The following BTBD9 variants were observed in gnomAD, a reference collection of about 807,000 sequenced individuals.
The protein encoded by BTBD9 is BTB domain containing 9.
A neutral mutation model predicts 64.3 loss-of-function variants in BTBD9; 49 were observed. The observed-to-expected ratio is 0.76, with a 90% confidence interval of 0.61 to 0.97. BTBD9 has a LOEUF of 0.97. Ranked by LOEUF, BTBD9 falls within the 50% of genes least tolerant of loss-of-function variation. BTBD9 has a pLI of 0.00. For missense variants in BTBD9, 598 were observed against 762.1 expected, an observed-to-expected ratio of 0.78 and a Z score of 2.53; for synonymous variants, 260 against 274.7, an observed-to-expected ratio of 0.95 and a Z score of 0.53.
intron 8 of BTBD9, among the ~76,000 whole-genome samples, chr6:38,269,054 A>G (rs1309975482): frequency 6.6e-6 from 1 of 152,232 alleles, no homozygotes; most frequent in Non-Finnish European, 1.5e-5. Flanking sequence ...ACACAAAACA[A>G]AACTATAATA....
chr6:38,181,103 A>G (rs1039236496), intron 10 of BTBD9, among the ~76,000 whole-genome samples: 2 of 152,258 alleles, frequency 1.3e-5, no homozygotes, highest in African/African-American at 4.8e-5. Context: ...GGATTCCCTA[A>G]GCACTATTTG....
chr6:38,539,611 A>T (rs1007057938), intron 6 of BTBD9, among the ~76,000 whole-genome samples: 1 of 152,228 alleles, frequency 6.6e-6, no homozygotes, highest in African/African-American at 2.4e-5. Context: ...ATGGTCTATT[A>T]ATTTTTAAAA....
chr6:38,323,993 C>G (rs1235112665), intron 7 of BTBD9, among the ~76,000 whole-genome samples: 1 of 152,090 alleles, frequency 6.6e-6, no homozygotes, highest in East Asian at 1.9e-4. Flanking sequence ...GTCCCAGCTA[C>G]TCAGAAGGCT....
At chr6:38,563,776 C>CTTTTTTTTTT (rs57927975) in intron 6 of BTBD9, among the ~76,000 whole-genome samples, 1 of 113,582 alleles carries the variant, frequency 8.8e-6, no homozygotes, top group African/African-American at 3.6e-5. Flanking sequence ...GCCTATCTAA[C>CTTTTTTTTTT]TTTTTTTTTT....
rs1766721201 is a variant in BTBD9 at position 38,170,756 on chromosome 6, C to G, written c.*4229G>C. 2.0e-5 allele frequency: 3 copies of G among 152,206 alleles called. No individual in the cohort carries two copies. Among genetic ancestry groups the G allele is most frequent in the African/African-American group, 7.2e-5 (3 of 41,462 alleles). 9.4% of individuals were successfully genotyped at this position (152,206 alleles called of 1,614,324 possible). A position where few individuals can be genotyped will look rare whatever the true frequency, so the allele number is the denominator to read the frequency against. On this transcript the variant is annotated 3_prime_UTR_variant, in exon 11 of 11. Transcript: ENST00000481247. ...GAACCATGAACTGCACTTTAAATTCCTAACTGAACTCCTGCCGGGGCTGTT... is the reference window on the plus strand; with the variant it reads ...GAACCATGAACTGCACTTTAAATTCGTAACTGAACTCCTGCCGGGGCTGTT...
intron 6 of BTBD9, among the ~76,000 whole-genome samples, chr6:38,484,872 T>C (rs1442883393): frequency 6.6e-6 from 1 of 152,218 alleles, no homozygotes; most frequent in Admixed American, 6.5e-5. Flanking sequence ...AGGGTGGTGG[T>C]TGCTGAAGGC....
chr6:38,547,009 A>G (rs754108905), intron 6 of BTBD9, among the ~76,000 whole-genome samples: 2 of 152,090 alleles, frequency 1.3e-5, no homozygotes, highest in Non-Finnish European at 2.9e-5. Flanking sequence ...TACCATTGTA[A>G]TTGTATCTGG....
Position 38,470,844 on chromosome 6 carries a change from CAGTG to C in BTBD9, c.1154+106752_1154+106755del, listed in dbSNP as rs1363131658. On this transcript the variant is annotated intron_variant, in intron 6 of 10. Coordinates refer to ENST00000481247, the MANE Select transcript of BTBD9 (RefSeq NM_001099272.2). ...CAGTCCAACAGGCCAAGCAAAATGCCAGTGAGTATCAACTGGAAAGTGCCACCTC... is the reference window on the plus strand; with the variant it reads ...CAGTCCAACAGGCCAAGCAAAATGCCAGTATCAACTGGAAAGTGCCACCTC... Among the ~76,000 whole-genome samples the C allele has an allele frequency of 7.9e-5, 12 of 152,326 alleles. No homozygotes were observed. In the South Asian group the frequency reaches 2.5e-3, roughly 32 times the overall value.
At chr6:38,269,332 C>A (rs1765121608) in intron 8 of BTBD9, among the ~76,000 whole-genome samples, 1 of 150,964 alleles carries the variant, frequency 6.6e-6, no homozygotes. Context: ...GGTGAGAAGC[C>A]AGAAAAATAA....
At chr6:38,487,086 A>G (rs1771469674) in intron 6 of BTBD9, among the ~76,000 whole-genome samples, 1 of 152,234 alleles carries the variant, frequency 6.6e-6, no homozygotes, top group African/African-American at 2.4e-5. Flanking sequence ...GGATTCTAAC[A>G]TATTTTCAGG....
chr6:38,350,193 T>C (rs1057083210), intron 6 of BTBD9, among the ~76,000 whole-genome samples: 3 of 152,234 alleles, frequency 2.0e-5, no homozygotes, highest in African/African-American at 7.2e-5. Flanking sequence ...CATAGTACTA[T>C]GACCTAAAGA....
At chr6:38,495,756 T>A (rs1362948049) in intron 6 of BTBD9, among the ~76,000 whole-genome samples, 1 of 89,022 alleles carries the variant, frequency 1.1e-5, no homozygotes, top group African/African-American at 4.4e-5. Flanking sequence ...ACCGTGCAGG[T>A]GCATCTGGGC....
At chr6:38,318,175 G>C (rs939262996) in intron 7 of BTBD9, among the ~76,000 whole-genome samples, 1 of 152,136 alleles carries the variant, frequency 6.6e-6, no homozygotes, top group Non-Finnish European at 1.5e-5. Flanking sequence ...GATTACAGGC[G>C]TGAGCCACTG....
intron 6 of BTBD9, among the ~76,000 whole-genome samples, chr6:38,510,112 T>A (rs945641306): frequency 6.6e-6 from 1 of 152,236 alleles, no homozygotes; most frequent in African/African-American, 2.4e-5. Context: ...GCCATCAGTT[T>A]TCACATACTG....
chr6:38,436,974 G>A (rs182606294), intron 6 of BTBD9, among the ~76,000 whole-genome samples: 1 of 152,250 alleles, frequency 6.6e-6, no homozygotes, highest in East Asian at 1.9e-4. Context: ...GCTTTTTCCT[G>A]GCTTTCTGTG....
Position 38,326,272 on chromosome 6 carries a change from C to T in BTBD9, c.1264+18712G>A, listed in dbSNP as rs546860472. Among the ~76,000 whole-genome samples, 58 of 152,188 alleles carry T rather than the reference C, an allele frequency of 3.8e-4. 1 individual carries two copies. The South Asian group carries it at 0.012, about 31-fold the overall frequency. On this transcript the variant is annotated intron_variant, in intron 7 of 10. Transcript: ENST00000481247. ...ATGGTGTATTTTTGAAATGGAAAGGCCTGTGTGGCTGGAATACAGAAAGCT... is the reference window on the plus strand; with the variant it reads ...ATGGTGTATTTTTGAAATGGAAAGGTCTGTGTGGCTGGAATACAGAAAGCT...
chr6:38,471,963 A>G (rs544142931), intron 6 of BTBD9, among the ~76,000 whole-genome samples: 2 of 152,360 alleles, frequency 1.3e-5, no homozygotes, highest in South Asian at 2.1e-4. Context: ...TCTATAAGCC[A>G]GTTAGAAATA....
At chr6:38,445,210 A>C (rs767887109) in intron 6 of BTBD9, among the ~76,000 whole-genome samples, 26 of 152,256 alleles carry the variant, frequency 1.7e-4, no homozygotes, top group Non-Finnish European at 2.4e-4. Flanking sequence ...TATGGCACTA[A>C]GATTTTTAGA....
At chr6:38,268,377 G>A (rs1428081486) in intron 8 of BTBD9, among the ~76,000 whole-genome samples, 2 of 152,146 alleles carry the variant, frequency 1.3e-5, no homozygotes, top group African/African-American at 2.4e-5. Context: ...AGAAGAATCC[G>A]TATCTGTGGG....
Sources: allele counts gnomAD v4.1 joint callset (sites outside exome capture counted in the v4.1 genomes callset), GRCh38; gene constraint gnomAD v4.1.1; transcripts MANE v1.5; gene names NCBI Gene and HGNC (gene_info 2026-07-23, HGNC 2026-07-21).